Variants in DENND1A observed in about 807,000 individuals in gnomAD.
DENND1A encodes the protein DENN domain containing 1A, also known as DENN domain-containing protein 1A.
Under a neutral mutation model 113.7 loss-of-function variants are expected in DENND1A, and 51 were observed. The observed-to-expected ratio is 0.45, with a 90% CI of 0.36 to 0.57. DENND1A has a LOEUF of 0.57. DENND1A is among the 20% of genes least tolerant of loss of function. DENND1A has a pLI of 0.00. For missense variants in DENND1A, 1,258 were observed against 1,395.9 expected (o/e 0.90, Z 1.57); for synonymous variants, 565 against 570.8 (o/e 0.99, Z 0.14).
chr9:123,644,277 C>T (rs777810053), intron 9 of DENND1A, among the ~76,000 whole-genome samples: 3 of 144,894 alleles, frequency 2.1e-5, no homozygotes, highest in Admixed American at 1.5e-4. Flanking sequence ...GGGAGAACGG[C>T]GGGGCTCCCA....
At chr9:123,626,061 T>G (rs2061197770) in intron 10 of DENND1A, among the ~76,000 whole-genome samples, 2 of 144,258 alleles carry the variant, frequency 1.4e-5, no homozygotes, top group South Asian at 2.2e-4. Context: ...CTGGGTTTTG[T>G]TTTTTTTTTT....
Position 123,381,476 on chromosome 9 carries a change from CTG to C in DENND1A, c.3167_3168del (p.Pro1056ArgfsTer108). On this transcript the variant is annotated frameshift_variant, in exon 24 of 24. Transcript: ENST00000394215. LOFTEE classifies it high-confidence loss of function. This position sits in a 1 kb window ranked among gnomAD's most constrained non-coding sequence, Gnocchi z 4.7. ...VSPSPALAPA[P>X]DSVEQLRKQW... ...TGCTTCCTGAGCTGCTCCACCGAGT[CTG>C]GGGCCGGGGCCAGGGCCGGACTCGG... 6.2e-7 allele frequency: 1 copy of C among 1,613,558 alleles called. No individual in the cohort carries two copies. The highest frequency in any genetic ancestry group is 8.5e-7 in the Non-Finnish European group (1 of 1,179,984).
chr9:123,403,075 G>A (rs1378364676), intron 21 of DENND1A, among the ~76,000 whole-genome samples: 1 of 152,174 alleles, frequency 6.6e-6, no homozygotes, highest in Non-Finnish European at 1.5e-5. Flanking sequence ...TCCTTCACCA[G>A]GTTCTAACCC....
intron 3 of DENND1A, 143 bp from the exon 4 acceptor site, chr9:123,769,706 A>G: frequency 1.9e-6 from 1 of 535,838 alleles, no homozygotes; most frequent in Non-Finnish European, 3.2e-6. Flanking sequence ...ACATGGGAGG[A>G]GTACCAGGCA....
intron 13 of DENND1A, among the ~76,000 whole-genome samples, chr9:123,552,008 A>AGAGAGAGCGAGAGC (rs1564702705): frequency 5.7e-5 from 8 of 141,360 alleles, no homozygotes; most frequent in African/African-American, 1.1e-4. Context: ...AGAGCGAGAG[A>AGAGAGAGCGAGAGC]GAGCGAGAGC....
chr9:123,568,830 G>A (rs1589169642), intron 12 of DENND1A, among the ~76,000 whole-genome samples: 2 of 152,158 alleles, frequency 1.3e-5, no homozygotes, highest in African/African-American at 4.8e-5. Flanking sequence ...AGGGGGGTGG[G>A]AAGTGTGTAT....
chr9:123,832,980 TC>T (rs1840474753), intron 2 of DENND1A, among the ~76,000 whole-genome samples: 1 of 151,214 alleles, frequency 6.6e-6, no homozygotes, highest in African/African-American at 2.4e-5. Flanking sequence ...AGGTTGGGGG[TC>T]CGGGGGAGCG....
intron 5 of DENND1A, among the ~76,000 whole-genome samples, chr9:123,697,443 G>A (rs2065594392): frequency 6.6e-6 from 1 of 152,098 alleles, no homozygotes; most frequent in Non-Finnish European, 1.5e-5. Context: ...GGTTACATGA[G>A]TAAGTTCTTT....
intron 21 of DENND1A, among the ~76,000 whole-genome samples, chr9:123,390,434 G>C (rs958027367): frequency 2.0e-5 from 3 of 152,182 alleles, no homozygotes; most frequent in Non-Finnish European, 4.4e-5. Context: ...GAGGGTGTCA[G>C]GTAGGTAGGG....
rs139619436 is a variant in DENND1A at position 123,616,963 on chromosome 9, C to T, written c.720-7482G>A. 4.4e-3 allele frequency among the ~76,000 whole-genome samples: 676 copies of T among 152,258 alleles called. 4 individuals are homozygous for T. The highest frequency in any genetic ancestry group is 0.016 in the African/African-American group (653 of 41,542). On this transcript the variant is annotated intron_variant, in intron 10 of 23. Coordinates refer to ENST00000394215, the MANE Select transcript of DENND1A (RefSeq NM_001352964.2). ...TACAAGGAGACGCACAGGGTGTTGT[C>T]GGGTACACAACGGAAGGGCCTGAGA...
At chr9:123,757,922 C>A in intron 4 of DENND1A, 100 bp from the exon 5 acceptor site, 1 of 1,343,520 alleles carries the variant, frequency 7.4e-7, no homozygotes, top group Non-Finnish European at 9.9e-7. Context: ...CATTTCCTCT[C>A]TCAGTGGAAC....
In DENND1A at chr9:123,671,200, C is replaced by T. The variant is rs2063745351; in HGVS notation, c.453+91G>A. 2.0e-6 allele frequency: 3 copies of T among 1,493,634 alleles called. No homozygotes were observed. The African/African-American group carries it at 4.1e-5, about 21-fold the overall frequency. 92.5% of individuals were successfully genotyped at this position (1,493,634 alleles called of 1,614,324 possible). On this transcript the variant is annotated intron_variant, in intron 7 of 23. Coordinates refer to ENST00000394215, the MANE Select transcript of DENND1A (RefSeq NM_001352964.2). ...GGGGGTAGGGTTAGGGGAGGTATGG[C>T]TGACAAAATACAATCCTGTTCAGCT...
At chr9:123,557,104 G>A (rs567851780) in intron 13 of DENND1A, among the ~76,000 whole-genome samples, 16 of 152,338 alleles carry the variant, frequency 1.1e-4, no homozygotes, top group Non-Finnish European at 2.9e-5. Flanking sequence ...GTGGAGGAGC[G>A]GTCCCGTGAA....
intron 13 of DENND1A, among the ~76,000 whole-genome samples, chr9:123,517,989 A>T (rs2054081740): frequency 6.6e-6 from 1 of 152,116 alleles, no homozygotes; most frequent in Non-Finnish European, 1.5e-5. Flanking sequence ...ATCAGAAAAA[A>T]ATATATATTA....
chr9:123,383,705 G>A lies in DENND1A; in HGVS notation c.1969C>T (p.Leu657Phe). ...TCCCTCAGGTCTTTGGGGGCACGAA[G>A]GTCCTCTAAGCTCTTGGCCTGGCCC... is the stretch of plus-strand genomic sequence containing the variant. ...PLGQAKSLED[L>F]RAPKDLREQP... Residue 657 changes from leucine to phenylalanine, a missense_variant, in exon 23 of 24, where the codon CTT becomes TTT. By Grantham distance (22) the Leu-to-Phe change is conservative. This residue lies in a region of DENND1A where 1,159 missense variants were observed against 1,231.7 expected (regional missense o/e 0.94). Transcript: ENST00000394215. 1 of 1,614,132 alleles carries A rather than the reference G, an allele frequency of 6.2e-7. No homozygotes were observed. Among genetic ancestry groups the A allele is most frequent in the Non-Finnish European group, 8.5e-7 (1 of 1,180,034 alleles).
intron 2 of DENND1A, among the ~76,000 whole-genome samples, chr9:123,836,941 C>T (rs1841137696): frequency 6.6e-6 from 1 of 152,008 alleles, no homozygotes; most frequent in South Asian, 2.1e-4. Context: ...TTCTATAGTT[C>T]CCTTACTAAA....
intron 9 of DENND1A, among the ~76,000 whole-genome samples, chr9:123,644,366 C>T (rs374905521): frequency 1.2e-5 from 1 of 86,274 alleles, no homozygotes; most frequent in African/African-American, 4.4e-5. Context: ...GGTCTTGGAG[C>T]TTTACAAGCT....
chr9:123,787,022 A>G (rs1832287670), intron 3 of DENND1A, among the ~76,000 whole-genome samples: 2 of 152,182 alleles, frequency 1.3e-5, no homozygotes, highest in Non-Finnish European at 2.9e-5. Flanking sequence ...CAAGGCCCCA[A>G]GGACCACAAA....
intron 1 of DENND1A, among the ~76,000 whole-genome samples, chr9:123,892,786 A>G (rs1470101747): frequency 6.6e-6 from 1 of 152,248 alleles, no homozygotes; most frequent in Non-Finnish European, 1.5e-5. Flanking sequence ...GTTGAAGACC[A>G]GCCTGGCCAA....
Sources: allele counts gnomAD v4.1 joint callset (sites outside exome capture counted in the v4.1 genomes callset), GRCh38; gene constraint gnomAD v4.1.1; regional missense constraint gnomAD v4.1.1; non-coding constraint Gnocchi (gnomAD v3.1); transcripts MANE v1.5; gene names NCBI Gene and HGNC (gene_info 2026-07-23, HGNC 2026-07-21).